The following VPS37A variants were observed in gnomAD, a reference collection of about 807,000 sequenced individuals.
VPS37A encodes vacuolar protein sorting-associated protein 37A.
A neutral mutation model predicts 49.8 loss-of-function variants in VPS37A; 30 were observed. The ratio of observed to expected loss-of-function variants is 0.60; its 90% confidence interval spans 0.45 to 0.82. The LOEUF is 0.82. VPS37A is among the 40% of genes least tolerant of loss of function. VPS37A has a pLI of 0.00. For missense variants in VPS37A, 593 were observed against 464.4 expected, an observed-to-expected ratio of 1.28 and a Z score of -2.55; for synonymous variants, 195 against 160.6, an observed-to-expected ratio of 1.21 and a Z score of -1.62.
intron 4 of VPS37A, chr8:17,272,059 A>G (rs559973372): frequency 2.2e-6 from 1 of 456,588 alleles, no homozygotes; most frequent in Admixed American, 2.3e-5. Context: ...CATCCAATTC[A>G]CTAGGTACAT....
the VPS37A span, among the ~76,000 whole-genome samples, chr8:17,326,750 A>C: frequency 6.6e-6 from 1 of 152,184 alleles, no homozygotes; most frequent in East Asian, 1.9e-4. Flanking sequence ...CCCTGTTCAA[A>C]CTTCCTGATG....
intron 6 of VPS37A, among the ~76,000 whole-genome samples, chr8:17,277,612 AT>A (rs1382207920): frequency 6.6e-6 from 1 of 151,862 alleles, no homozygotes; most frequent in Non-Finnish European, 1.5e-5. Context: ...TCTTCAGTAA[AT>A]TTTTCTACCA....
chr8:17,298,770 C>T (rs1179881790), downstream of VPS37A: 3 of 152,544 alleles, frequency 2.0e-5, no homozygotes, highest in Non-Finnish European at 4.4e-5. Context: ...TCTTTTTTAA[C>T]TCATAAGATA....
chr8:17,271,925 T>C (rs1483465987), intron 4 of VPS37A: 1 of 450,496 alleles, frequency 2.2e-6, no homozygotes, highest in African/African-American at 2.0e-5. Flanking sequence ...TATTTTCAAA[T>C]CCAGGAAATC....
rs990739767 is a variant in VPS37A at position 17,295,742 on chromosome 8, A to G, written c.*756A>G. ...AGGTTTGTGGTTGGATAGGTTTTCT[A>G]AATTCCTAATGTTAAAAACAATCTT... On this transcript the variant is annotated 3_prime_UTR_variant, in exon 12 of 12. Transcript: ENST00000324849. 6.6e-6 allele frequency: 1 copy of G among 152,220 alleles called. No individual in the cohort carries two copies. The highest frequency in any genetic ancestry group is 2.4e-5 in the African/African-American group (1 of 41,442). The allele number at this position is 152,220 out of a possible 1,614,324, so 9.4% of individuals were successfully genotyped here.
chr8:17,304,396 T>C, downstream of VPS37A: 3 of 1,612,910 alleles, frequency 1.9e-6, no homozygotes, highest in South Asian at 1.1e-5. Flanking sequence ...TGAAGTTACA[T>C]GGTGTTGTAG....
At chr8:17,264,452 A>G (rs1813262526) in intron 1 of VPS37A, among the ~76,000 whole-genome samples, 1 of 152,194 alleles carries the variant, frequency 6.6e-6, no homozygotes, top group African/African-American at 2.4e-5. Flanking sequence ...TTCAAGTCCT[A>G]ATATTGAGTG....
chr8:17,299,900 C>G (rs1816994959), downstream of VPS37A: 2 of 1,614,002 alleles, frequency 1.2e-6, no homozygotes, highest in East Asian at 2.2e-5. Context: ...GAATCCCGGT[C>G]CTTGCCACTA....
intron 4 of VPS37A, among the ~76,000 whole-genome samples, 166 bp from the exon 5 acceptor site, chr8:17,274,567 C>G (rs975126245): frequency 6.6e-6 from 1 of 152,052 alleles, no homozygotes; most frequent in Non-Finnish European, 1.5e-5. Flanking sequence ...TATTTTACCA[C>G]TTTATATAAT....
chr8:17,252,415 C>T (rs1377972871), intron 1 of VPS37A, among the ~76,000 whole-genome samples: 1 of 152,162 alleles, frequency 6.6e-6, no homozygotes, highest in Non-Finnish European at 1.5e-5. Context: ...TGGGCCCAAG[C>T]ACTCTGCCTG....
intron 2 of VPS37A, among the ~76,000 whole-genome samples, chr8:17,266,492 A>T (rs917632763): frequency 6.6e-6 from 1 of 152,192 alleles, no homozygotes; most frequent in African/African-American, 2.4e-5. Flanking sequence ...AAAGTTGGAC[A>T]AAGTGATTGC....
Position 17,290,492 on chromosome 8 carries a change from G to A in VPS37A, c.*4065G>A, listed in dbSNP as rs565381246. Among the ~76,000 whole-genome samples, 255 of 152,266 alleles carry A rather than the reference G, an allele frequency of 1.7e-3. 1 individual carries two copies. The highest frequency in any genetic ancestry group is 5.6e-3 in the African/African-American group (231 of 41,556). On this transcript the variant is annotated intron_variant, in intron 11 of 11. Transcript: ENST00000324849. The stretch of plus-strand genomic sequence containing the variant: ...TCGTGGATTACGTTTATTGATTTGC[G>A]TATGTTGAACCAGCCTTGCATCCCA...
intron 1 of VPS37A, among the ~76,000 whole-genome samples, chr8:17,261,368 A>T (rs1812946019): frequency 6.6e-6 from 1 of 152,114 alleles, no homozygotes; most frequent in South Asian, 2.1e-4. Context: ...TAAATTTCTG[A>T]ATTTTTTGTT....
chr8:17,274,968 G>GTCAGTTA lies in VPS37A; in HGVS notation c.642+13_642+19dup. 4 of 1,609,934 alleles carry GTCAGTTA rather than the reference G, an allele frequency of 2.5e-6. No individual in the cohort carries two copies. The highest frequency in any genetic ancestry group is 3.4e-6 in the Non-Finnish European group (4 of 1,176,454). On this transcript the variant is annotated intron_variant, in intron 5 of 11. Transcript: ENST00000324849. Reference sequence around the variant, plus strand: ...GGATGCTTCAATACCGGTTGGTATCGTCAGTTATCTATATTTTGTGCCACT... The same window carrying GTCAGTTA: ...GGATGCTTCAATACCGGTTGGTATCGTCAGTTATCAGTTATCTATATTTTGTGCCACT...
At chr8:17,255,487 T>C (rs1238091843) in intron 1 of VPS37A, among the ~76,000 whole-genome samples, 1 of 137,390 alleles carries the variant, frequency 7.3e-6, no homozygotes, top group Non-Finnish European at 1.5e-5. Context: ...GTCTTAAATA[T>C]ATATATGTGT....
At chr8:17,321,916 A>G in the VPS37A span, among the ~76,000 whole-genome samples, 1 of 152,222 alleles carries the variant, frequency 6.6e-6, no homozygotes, top group Non-Finnish European at 1.5e-5. Flanking sequence ...CAAATGTGGA[A>G]TTTACTTAGA....
Position 17,280,413 on chromosome 8 carries a change from G to A in VPS37A, c.939G>A (p.Lys313=). Residue 313 remains lysine, a synonymous_variant, in exon 9 of 12, where the codon AAG becomes AAA. Coordinates refer to ENST00000324849, the MANE Select transcript of VPS37A (RefSeq NM_152415.3). ...CACAGATGAAGTCCACTTTCGAAAA[G>A]AAGATGCAAAGGCAGCATGAACTTA... ...LLTQMKSTFE[K]KMQRQHELSE... 6.2e-7 allele frequency: 1 copy of A among 1,609,142 alleles called. No individual in the cohort carries two copies. Among genetic ancestry groups the A allele is most frequent in the Non-Finnish European group, 8.5e-7 (1 of 1,178,396 alleles).
chr8:17,285,400 G>A (rs1815497539), intron 10 of VPS37A, among the ~76,000 whole-genome samples: 1 of 152,112 alleles, frequency 6.6e-6, no homozygotes, highest in African/African-American at 2.4e-5. Context: ...TAAAAATTGA[G>A]AAACAGTTTC....
chr8:17,314,856 CCTTT>C, the VPS37A span, among the ~76,000 whole-genome samples: 1 of 152,188 alleles, frequency 6.6e-6, no homozygotes, highest in East Asian at 1.9e-4. Context: ...CAGAGCACTA[CCTTT>C]CTAAGGTCAC....
Sources: allele counts gnomAD v4.1 joint callset (sites outside exome capture counted in the v4.1 genomes callset), GRCh38; gene constraint gnomAD v4.1.1; transcripts MANE v1.5; gene names NCBI Gene and HGNC (gene_info 2026-07-23, HGNC 2026-07-21).